APBB1IP: variants seen among roughly 807,000 people sequenced by gnomAD.
The protein encoded by APBB1IP is amyloid beta precursor protein binding family B member 1 interacting protein, also known as amyloid beta A4 precursor protein-binding family B member 1-interacting protein.
In APBB1IP, 27 loss-of-function variants were observed where a neutral mutation model predicts 64.9. That is an observed-to-expected ratio of 0.42 (90% CI 0.31 to 0.57). APBB1IP has a LOEUF of 0.57. APBB1IP is among the 20% of genes least tolerant of loss of function. The pLI is 0.20. For synonymous variants in APBB1IP, 392 were observed against 331.0 expected (o/e 1.18, Z -2.00); for missense variants, 812 against 845.5 (o/e 0.96, Z 0.49).
intron 2 of APBB1IP, among the ~76,000 whole-genome samples, chr10:26,491,070 G>A (rs939421325): frequency 1.3e-5 from 2 of 152,096 alleles, no homozygotes; most frequent in Non-Finnish European, 2.9e-5. Context: ...CCTGAGGTCA[G>A]GAGTTTGAGA....
intron 2 of APBB1IP, among the ~76,000 whole-genome samples, chr10:26,451,722 A>G (rs563882009): frequency 6.6e-6 from 1 of 152,366 alleles, no homozygotes; most frequent in African/African-American, 2.4e-5. Context: ...CAATTATAAA[A>G]TGAAATGCTT....
intron 2 of APBB1IP, among the ~76,000 whole-genome samples, chr10:26,476,172 C>A (rs1835773062): frequency 6.6e-6 from 1 of 151,852 alleles, no homozygotes; most frequent in Admixed American, 6.6e-5. Flanking sequence ...TATTCTCCTG[C>A]CTCAGCCTCC....
intron 1 of APBB1IP, 76 bp downstream of exon 1, chr10:26,438,531 T>C (rs1835304205): frequency 2.6e-5 from 4 of 151,732 alleles, no homozygotes; most frequent in Admixed American, 2.6e-4. Flanking sequence ...TCAAGGTGGT[T>C]GTGTAGTAGG....
intron 5 of APBB1IP, 126 bp downstream of exon 5, chr10:26,501,237 A>G (rs1588589533): frequency 7.2e-7 from 1 of 1,394,968 alleles, no homozygotes; most frequent in African/African-American, 1.4e-5. Context: ...AAAAACAAAG[A>G]TACAGAGCAC....
intron 8 of APBB1IP, among the ~76,000 whole-genome samples, chr10:26,526,804 T>C (rs560572032): frequency 6.6e-6 from 1 of 152,280 alleles, no homozygotes; most frequent in African/African-American, 2.4e-5. Flanking sequence ...GAAATCTAAA[T>C]CACCCATAAT....
chr10:26,538,451 T>A (rs979667310), intron 10 of APBB1IP, among the ~76,000 whole-genome samples: 23 of 151,804 alleles, frequency 1.5e-4, no homozygotes, highest in Non-Finnish European at 8.8e-5. Flanking sequence ...GACCAGCCTG[T>A]CCAACATGGT....
intron 8 of APBB1IP, among the ~76,000 whole-genome samples, chr10:26,516,543 C>CAAAAAAAAAAAAA (rs71401901): frequency 0.062 from 2,923 of 46,992 alleles, 549 homozygotes; most frequent in East Asian, 0.082. Context: ...GACTCCATCT[C>CAAAAAAAAAAAAA]AAAAAAAAAA....
chr10:26,443,176 C>A (rs1296077658), intron 2 of APBB1IP, among the ~76,000 whole-genome samples: 6 of 152,122 alleles, frequency 3.9e-5, no homozygotes, highest in Non-Finnish European at 8.8e-5. Flanking sequence ...AACCCCAGCA[C>A]TTTGGGAGGC....
chr10:26,512,027 A>C, intron 7 of APBB1IP, 121 bp downstream of exon 7: 2 of 1,158,876 alleles, frequency 1.7e-6, no homozygotes, highest in Non-Finnish European at 2.4e-6. Context: ...ACATGCTCTC[A>C]CTATGCTGCC....
intron 11 of APBB1IP, 81 bp downstream of exon 11, chr10:26,541,773 A>G (rs568792731): frequency 3.0e-6 from 3 of 1,012,498 alleles, no homozygotes; most frequent in East Asian, 5.3e-5. Flanking sequence ...GTTAAATTAT[A>G]GTTAGCCATA....
At chr10:26,475,826 C>T (rs770253038) in intron 2 of APBB1IP, among the ~76,000 whole-genome samples, 2 of 152,096 alleles carry the variant, frequency 1.3e-5, no homozygotes, top group Non-Finnish European at 2.9e-5. Flanking sequence ...CCCTTCTTCC[C>T]CTTCTCTGTT....
chr10:26,559,042 T>A (rs1242611651), intron 11 of APBB1IP, among the ~76,000 whole-genome samples: 1 of 152,148 alleles, frequency 6.6e-6, no homozygotes, highest in African/African-American at 2.4e-5. Flanking sequence ...CACAAAACTC[T>A]GAATTTTTGG....
intron 8 of APBB1IP, among the ~76,000 whole-genome samples, chr10:26,529,613 A>G (rs1234428135): frequency 2.0e-5 from 3 of 152,078 alleles, no homozygotes; most frequent in Non-Finnish European, 4.4e-5. Flanking sequence ...GATGACAAAC[A>G]CTTGCTCTGG....
At chr10:26,542,221 A>G (rs1013344537) in intron 11 of APBB1IP, among the ~76,000 whole-genome samples, 5 of 152,144 alleles carry the variant, frequency 3.3e-5, no homozygotes, top group Admixed American at 2.6e-4. Context: ...CAGTGGCTCA[A>G]TCATAGCCCA....
chr10:26,447,970 G>T (rs1308856083), intron 2 of APBB1IP, among the ~76,000 whole-genome samples: 1 of 151,908 alleles, frequency 6.6e-6, no homozygotes, highest in Non-Finnish European at 1.5e-5. Context: ...TTTATTAAAT[G>T]ATATATCCAA....
intron 8 of APBB1IP, among the ~76,000 whole-genome samples, chr10:26,522,818 G>T (rs561338299): frequency 6.6e-6 from 1 of 152,018 alleles, no homozygotes; most frequent in Non-Finnish European, 1.5e-5. Context: ...TGGCCAACAT[G>T]ATGAAACCTT....
At chr10:26,543,714 T>C (rs1376535199) in intron 11 of APBB1IP, among the ~76,000 whole-genome samples, 1 of 152,018 alleles carries the variant, frequency 6.6e-6, no homozygotes, top group Non-Finnish European at 1.5e-5. Context: ...AGGAGCAATA[T>C]GAGGTAGGGC....
rs1299772419 is a variant in APBB1IP at position 26,562,218 on chromosome 10, T to A, written c.1370-108T>A. On this transcript the variant is annotated intron_variant, in intron 13 of 14. Coordinates refer to ENST00000376236, the MANE Select transcript of APBB1IP (RefSeq NM_019043.4). The stretch of plus-strand genomic sequence containing the variant: ...TTTTTTGTAAGAACTAGCCAACAAG[T>A]ATCTTTCTTTGCTTTAGAGATGCAA... The A allele has an allele frequency of 3.7e-6, 3 of 807,448 alleles. No homozygotes were observed. In the East Asian group the frequency reaches 7.6e-5, roughly 20 times the overall value. 50.0% of individuals were successfully genotyped at this position (807,448 alleles called of 1,614,324 possible). A position where few individuals can be genotyped will look rare whatever the true frequency, so the allele number is the denominator to read the frequency against.
chr10:26,477,031 C>T (rs1311093073), intron 2 of APBB1IP, among the ~76,000 whole-genome samples: 1 of 152,192 alleles, frequency 6.6e-6, no homozygotes, highest in East Asian at 1.9e-4. Flanking sequence ...GAACTCCTGA[C>T]CTCAGCTGAT....
Sources: gnomAD v4.1 joint callset for allele counts (sites outside exome capture counted in the v4.1 genomes callset) on GRCh38, gnomAD v4.1.1 for gene constraint, MANE v1.5 for transcripts, NCBI Gene and HGNC (gene_info 2026-07-23, HGNC 2026-07-21) for gene names.